AIRE: variants seen among roughly 807,000 people sequenced by gnomAD.
AIRE encodes the protein autoimmune regulator, also known as autoimmune polyendocrinopathy candidiasis ectodermal dystrophy protein.
AIRE carries 52 observed loss-of-function variants against 62.1 expected under a neutral mutation model. The observed-to-expected ratio is 0.84, with a 90% CI of 0.67 to 1.06. The LOEUF (loss-of-function observed/expected upper bound fraction) is 1.06, where lower values mean the gene tolerates loss of function less well. Ranked by LOEUF, AIRE falls within the 50% of genes least tolerant of loss-of-function variation. AIRE has a pLI of 0.00. For synonymous variants in AIRE, 342 were observed against 321.6 expected, an observed-to-expected ratio of 1.06 and a Z score of -0.68; for missense variants, 774 against 755.8, an observed-to-expected ratio of 1.02 and a Z score of -0.28.
At chr21:44,295,064 G>C (rs759463205) in intron 12 of AIRE, among the ~76,000 whole-genome samples, 3 of 152,160 alleles carry the variant, frequency 2.0e-5, no homozygotes, top group South Asian at 2.1e-4. Flanking sequence ...AGCTGGGTGT[G>C]GGGGAGGCCC....
Position 44,289,640 on chromosome 21 carries a change from C to A in AIRE, c.653-17C>A. 3 of 1,612,652 alleles carry A rather than the reference C, an allele frequency of 1.9e-6. No homozygotes were observed. Among genetic ancestry groups the A allele is most frequent in the Non-Finnish European group, 2.5e-6 (3 of 1,179,864 alleles). The stretch of plus-strand genomic sequence containing the variant: ...TGCTGGGCGGGTGAGCCAGGACCAG[C>A]CGGCATCTCCTCCCAGGCGGCTCCA... On this transcript the variant is annotated splice_polypyrimidine_tract_variant and intron_variant, in intron 5 of 13. Transcript: ENST00000291582.
intron 13 of AIRE, among the ~76,000 whole-genome samples, chr21:44,296,684 G>A (rs866618872): frequency 1.4e-5 from 2 of 145,332 alleles, no homozygotes; most frequent in African/African-American, 2.6e-5. Context: ...CCCTGCGGGA[G>A]CCCAGTGCTG....
Position 44,298,094 on chromosome 21 carries a change from T to A in AIRE, c.*367T>A, listed in dbSNP as rs936857295. 6 of 321,052 alleles carry A rather than the reference T, an allele frequency of 1.9e-5. No homozygotes were observed. Among genetic ancestry groups the A allele is most frequent in the Non-Finnish European group, 3.6e-5 (6 of 164,786 alleles). The allele number at this position is 321,052 out of a possible 1,614,324, so 19.9% of individuals were successfully genotyped here. ...TTGCAGTGAGCTGAGATTGCGCCAC[T>A]GCACTCCAGTCTGGTCGGCAAGAGT... is the stretch of plus-strand genomic sequence containing the variant. On this transcript the variant is annotated 3_prime_UTR_variant, in exon 14 of 14. Transcript: ENST00000291582.
In AIRE at chr21:44,293,880, G is replaced by T; in HGVS notation, c.1370G>T (p.Cys457Phe). The T allele has an allele frequency of 6.3e-7, 1 of 1,596,686 alleles. No individual in the cohort carries two copies. The change falls in exon 11 of 14, where the codon TGC becomes TTC. Residue 457 changes from cysteine (C) to phenylalanine (F), a missense_variant. Cys to Phe is a radical substitution (Grantham distance 205, BLOSUM62 -2). This residue lies in a region of AIRE where 354 missense variants were observed against 296.1 expected (regional missense o/e 1.20). Transcript: ENST00000291582. Reference protein sequence around the residue: ...THCAAAFHWRCHFPAGTSRPG... With the variant: ...THCAAAFHWRFHFPAGTSRPG... ...TGCGCCGCTGCCTTCCACTGGCGCT[G>T]CCACTTCCCAGCCGGCACCTCCCGG...
In AIRE at chr21:44,287,202, C is replaced by A; in HGVS notation, c.463+69C>A. 6.3e-7 allele frequency: 1 copy of A among 1,580,274 alleles called. No homozygotes were observed. ...CCGGGCTTCCCCGGGAGCCCACGCC[C>A]CCTCCCCACCCGGGCTCCCACCCAC... On this transcript the variant is annotated intron_variant, in intron 3 of 13. Coordinates refer to ENST00000291582, the MANE Select transcript of AIRE (RefSeq NM_000383.4). This position sits in a 1 kb window ranked among gnomAD's most constrained non-coding sequence, Gnocchi z 4.3.
In AIRE at chr21:44,294,304, C is replaced by T. The variant is rs2040582482; in HGVS notation, c.1401-97C>T. On this transcript the variant is annotated intron_variant, in intron 11 of 13. Coordinates refer to ENST00000291582, the MANE Select transcript of AIRE (RefSeq NM_000383.4). Reference sequence around the variant, plus strand: ...TTCCTCACACCCCACACCCCCATCCCCCACTCACCACCCACGCCCACACCC... The same window carrying T: ...TTCCTCACACCCCACACCCCCATCCTCCACTCACCACCCACGCCCACACCC... The T allele has an allele frequency of 6.9e-5, 47 of 678,030 alleles. No homozygotes were observed. In the South Asian group the frequency reaches 7.7e-4, roughly 11 times the overall value. 42.0% of individuals were successfully genotyped at this position (678,030 alleles called of 1,614,324 possible).
At chr21:44,288,619 G>C (rs1039119580) in intron 5 of AIRE, 161 bp downstream of exon 5, 6 of 616,542 alleles carry the variant, frequency 9.7e-6, no homozygotes, top group Admixed American at 2.9e-5. Context: ...TGGAGGAGGA[G>C]GGTGAGCACT....
rs1162316051 is a variant in AIRE, at chr21:44,286,994, GC to G, written c.328del (p.Arg110GlyfsTer37). The part of the protein sequence containing the change: ...SFPKDVDLSQ[P>X]RKGRKPPAVP... ...GAGCTGCAGATGTGGACCTCAGCCA[GC>G]CCCGGAAGGGGAGGAAGCCCCCGGC... On this transcript the variant is annotated frameshift_variant, in exon 3 of 14. Coordinates refer to ENST00000291582, the MANE Select transcript of AIRE (RefSeq NM_000383.4). LOFTEE classifies it high-confidence loss of function. The surrounding 1 kb of genome is among the most constrained non-coding windows in gnomAD (Gnocchi z 6.0). The G allele has an allele frequency of 6.2e-7, 1 of 1,612,788 alleles. No homozygotes were observed. Among genetic ancestry groups the G allele is most frequent in the Admixed American group, 1.7e-5 (1 of 60,026 alleles).
intron 10 of AIRE, 76 bp from the exon 11 acceptor site, chr21:44,293,713 C>T (rs1000877910): frequency 1.4e-4 from 225 of 1,586,292 alleles, no homozygotes; most frequent in Non-Finnish European, 1.7e-4. Context: ...CAGGGGAGAG[C>T]GCACAGGGCT....
intron 13 of AIRE, 94 bp downstream of exon 13, chr21:44,296,539 C>T: frequency 5.8e-6 from 7 of 1,209,692 alleles, no homozygotes; most frequent in Non-Finnish European, 8.6e-6. Flanking sequence ...GGACTGCCGG[C>T]CCCCACTGCT....
chr21:44,293,464 C>T (rs2040566258), intron 10 of AIRE, among the ~76,000 whole-genome samples: 1 of 152,070 alleles, frequency 6.6e-6, no homozygotes, highest in Non-Finnish European at 1.5e-5. Context: ...GCCTCAATTC[C>T]CTTCCCTGCA....
Position 44,287,948 on chromosome 21 carries a change from TCTC to T in AIRE, c.538+360_538+362del, listed in dbSNP as rs993634775. On this transcript the variant is annotated intron_variant, in intron 4 of 13. Coordinates refer to ENST00000291582, the MANE Select transcript of AIRE (RefSeq NM_000383.4). This position sits in a 1 kb window ranked among gnomAD's most constrained non-coding sequence, Gnocchi z 4.3. ...GCAGGCTGAACCCTTCCTGTCCCCT[TCTC>T]CTTCCTTCCCAGGGCACTGGACTCC... Among the ~76,000 whole-genome samples, 3 of 151,882 alleles carry T rather than the reference TCTC, an allele frequency of 2.0e-5. No homozygotes were observed. The highest frequency in any genetic ancestry group is 2.1e-4 in the South Asian group (1 of 4,824).
At chr21:44,294,536 G>T in intron 12 of AIRE, 33 bp downstream of exon 12, 1 of 1,242,900 alleles carries the variant, frequency 8.0e-7, no homozygotes, top group South Asian at 1.6e-5. Flanking sequence ...ATGCATGCCG[G>T]TGCTGGGGGT....
intron 8 of AIRE, 83 bp from the exon 9 acceptor site, chr21:44,292,219 C>CT: frequency 4.5e-6 from 5 of 1,103,958 alleles, no homozygotes; most frequent in Non-Finnish European, 5.4e-6. Flanking sequence ...ATGGTCGGAG[C>CT]CCTGGAGCTC....
rs2040487499 is a variant in AIRE, at chr21:44,286,877, C to T, written c.308-101C>T. The T allele has an allele frequency of 1.9e-6, 3 of 1,580,682 alleles. No homozygotes were observed. The highest frequency in any genetic ancestry group is 2.6e-6 in the Non-Finnish European group (3 of 1,153,954). On this transcript the variant is annotated intron_variant, in intron 2 of 13. Coordinates refer to ENST00000291582, the MANE Select transcript of AIRE (RefSeq NM_000383.4). The surrounding 1 kb of genome is among the most constrained non-coding windows in gnomAD (Gnocchi z 6.0). ...TCTTGGATCCTAAGAGGCAAAGGGG[C>T]CAGGCCTCACCTGTCTGGCCAAGGT...
rs113302734 is a variant in AIRE at position 44,287,871 on chromosome 21, C to T, written c.538+280C>T. On this transcript the variant is annotated intron_variant, in intron 4 of 13. Transcript: ENST00000291582. The surrounding 1 kb of genome is among the most constrained non-coding windows in gnomAD (Gnocchi z 4.3). ...CCCGTCCACTCCCTATCCTTCAGGA[C>T]CAGCCTAGACATAGCTTCCTCCAGA... Among the ~76,000 whole-genome samples, 10 of 152,154 alleles carry T rather than the reference C, an allele frequency of 6.6e-5. No individual in the cohort carries two copies. The highest frequency in any genetic ancestry group is 1.9e-4 in the African/African-American group (8 of 41,436).
intron 12 of AIRE, among the ~76,000 whole-genome samples, chr21:44,295,780 G>A (rs968238984): frequency 2.6e-5 from 4 of 152,102 alleles, no homozygotes; most frequent in African/African-American, 4.8e-5. Context: ...CCTTAGGACC[G>A]GGGAGCATCC....
At chr21:44,290,626 T>C (rs1273534591) in intron 7 of AIRE, 10 of 1,032,310 alleles carry the variant, frequency 9.7e-6, no homozygotes, top group African/African-American at 8.3e-5. Flanking sequence ...AGGACCAGCC[T>C]AGCCTGGCTG....
rs1276483454 is a variant in AIRE at position 44,294,392 on chromosome 21, C to T, written c.1401-9C>T. The stretch of plus-strand genomic sequence containing the variant: ...CCCAGGGCTGGCAGCCCCTCATCCT[C>T]TGCTGCAGGACGGGCCTGCGCTGCA... On this transcript the variant is annotated splice_polypyrimidine_tract_variant and intron_variant, in intron 11 of 13. Coordinates refer to ENST00000291582, the MANE Select transcript of AIRE (RefSeq NM_000383.4). The T allele has an allele frequency of 6.4e-7, 1 of 1,555,964 alleles. No homozygotes were observed. Among genetic ancestry groups the T allele is most frequent in the Non-Finnish European group, 8.6e-7 (1 of 1,156,616 alleles).
Sources: gnomAD v4.1 joint callset for allele counts (sites outside exome capture counted in the v4.1 genomes callset) on GRCh38, gnomAD v4.1.1 for gene constraint, gnomAD v4.1.1 regional missense constraint, Gnocchi (gnomAD v3.1) non-coding constraint, MANE v1.5 for transcripts, NCBI Gene and HGNC (gene_info 2026-07-23, HGNC 2026-07-21) for gene names.